Variants in TBC1D22A observed in about 807,000 individuals in gnomAD.
TBC1D22A encodes TBC1 domain family member 22A.
TBC1D22A carries 38 observed loss-of-function variants against 60.2 expected under a neutral mutation model. The ratio of observed to expected loss-of-function variants is 0.63; its 90% CI spans 0.49 to 0.83. The LOEUF (loss-of-function observed/expected upper bound fraction) is 0.83, where lower values mean the gene tolerates loss of function less well. Among genes scored for constraint, TBC1D22A ranks in the 40% least tolerant of loss-of-function variants. The probability of loss-of-function intolerance (pLI) is 0.00; values close to 1 mark genes in which losing one functional copy is unlikely to be tolerated. For synonymous variants in TBC1D22A, 302 were observed against 281.7 expected (o/e 1.07, Z -0.72); for missense variants, 628 against 701.0 (o/e 0.90, Z 1.18).
chr22:47,154,953 C>A (rs762915263), intron 12 of TBC1D22A, among the ~76,000 whole-genome samples: 1 of 152,198 alleles, frequency 6.6e-6, no homozygotes, highest in South Asian at 2.1e-4. Flanking sequence ...CCCTGCTGCC[C>A]GCTGGGCATT....
At chr22:47,136,992 A>T (rs2066899059) in intron 12 of TBC1D22A, among the ~76,000 whole-genome samples, 1 of 152,012 alleles carries the variant, frequency 6.6e-6, no homozygotes, top group Non-Finnish European at 1.5e-5. Context: ...GTGTGAGCAA[A>T]CCTGGTCCCG....
intron 11 of TBC1D22A, among the ~76,000 whole-genome samples, chr22:47,088,759 G>A (rs983854230): frequency 3.9e-5 from 6 of 152,192 alleles, no homozygotes; most frequent in African/African-American, 7.2e-5. Flanking sequence ...CTTGGTGATG[G>A]ATGGTTCTGC....
chr22:46,824,630 G>A (rs980252040), intron 4 of TBC1D22A, among the ~76,000 whole-genome samples: 3 of 152,188 alleles, frequency 2.0e-5, no homozygotes, highest in African/African-American at 7.2e-5. Context: ...AAAGATCCCT[G>A]TGGCTTTTCT....
At chr22:46,973,820 G>A (rs971933489) in intron 8 of TBC1D22A, among the ~76,000 whole-genome samples, 1 of 152,122 alleles carries the variant, frequency 6.6e-6, no homozygotes, top group African/African-American at 2.4e-5. Flanking sequence ...CGGCTTTCTG[G>A]GGTTTTGATC....
chr22:47,168,185 G>A (rs1364256232), intron 12 of TBC1D22A, among the ~76,000 whole-genome samples: 1 of 152,198 alleles, frequency 6.6e-6, no homozygotes, highest in Non-Finnish European at 1.5e-5. Flanking sequence ...ACACAGACCT[G>A]TTGAAGTAGT....
chr22:46,898,021 C>G (rs2068777971), intron 7 of TBC1D22A, among the ~76,000 whole-genome samples: 2 of 152,104 alleles, frequency 1.3e-5, no homozygotes, highest in Non-Finnish European at 1.5e-5. Flanking sequence ...TTTGATTGTC[C>G]TTTTTAGTAG....
chr22:47,158,147 G>A (rs1383553369), intron 12 of TBC1D22A, among the ~76,000 whole-genome samples: 3 of 152,196 alleles, frequency 2.0e-5, no homozygotes, highest in Non-Finnish European at 2.9e-5. Flanking sequence ...GCTCGTGTGG[G>A]TTCTGCACCC....
At chr22:46,956,485 T>G (rs1382436658) in intron 8 of TBC1D22A, among the ~76,000 whole-genome samples, 1 of 152,238 alleles carries the variant, frequency 6.6e-6, no homozygotes, top group Non-Finnish European at 1.5e-5. Flanking sequence ...ACAAGTATCA[T>G]GTAATAAAGC....
At chr22:46,886,311 C>T (rs1051490216) in intron 5 of TBC1D22A, among the ~76,000 whole-genome samples, 1 of 152,222 alleles carries the variant, frequency 6.6e-6, no homozygotes, top group Non-Finnish European at 1.5e-5. Context: ...TCCTCCATCA[C>T]GAGGACTCTG....
chr22:46,897,934 A>G (rs1159835803), intron 7 of TBC1D22A, among the ~76,000 whole-genome samples: 1 of 152,244 alleles, frequency 6.6e-6, no homozygotes, highest in African/African-American at 2.4e-5. Flanking sequence ...TTGTTAAAGC[A>G]AAAGTATTTA....
intron 9 of TBC1D22A, among the ~76,000 whole-genome samples, chr22:46,992,163 T>C (rs1200293666): frequency 2.0e-5 from 3 of 152,242 alleles, no homozygotes; most frequent in Admixed American, 6.5e-5. Flanking sequence ...CACTCGTGGC[T>C]GTGATTCTTC....
chr22:46,911,172 T>C (rs1315527598), intron 7 of TBC1D22A, among the ~76,000 whole-genome samples: 1 of 151,682 alleles, frequency 6.6e-6, no homozygotes, highest in East Asian at 1.9e-4. Context: ...AGCGAGTAGG[T>C]GGGAATAAGA....
intron 4 of TBC1D22A, among the ~76,000 whole-genome samples, chr22:46,827,528 A>G (rs544036548): frequency 2.5e-4 from 38 of 152,240 alleles, no homozygotes; most frequent in African/African-American, 7.5e-4. Context: ...CGTGTACCAA[A>G]TGGTATTTTA....
intron 2 of TBC1D22A, among the ~76,000 whole-genome samples, chr22:46,793,164 C>A (rs2084496808): frequency 6.6e-6 from 1 of 152,248 alleles, no homozygotes; most frequent in Non-Finnish European, 1.5e-5. Flanking sequence ...CCACACCCCT[C>A]ACTGCTGGGC....
chr22:46,852,292 C>T (rs545624135), intron 4 of TBC1D22A, among the ~76,000 whole-genome samples: 31 of 152,352 alleles, frequency 2.0e-4, no homozygotes, highest in African/African-American at 5.8e-4. Flanking sequence ...CCCGGCTTCC[C>T]GGCCCGCAGA....
chr22:47,030,286 A>T (rs2062424454), intron 10 of TBC1D22A, among the ~76,000 whole-genome samples: 4 of 152,206 alleles, frequency 2.6e-5, no homozygotes, highest in African/African-American at 4.8e-5. Flanking sequence ...GTGAGCCATT[A>T]TGCTGCTCTT....
chr22:46,900,220 C>T (rs545971894), intron 7 of TBC1D22A, among the ~76,000 whole-genome samples: 7 of 150,664 alleles, frequency 4.6e-5, no homozygotes, highest in South Asian at 2.1e-4. Context: ...GGTGCGATCT[C>T]GGCTCACTGC....
chr22:47,166,838 G>A (rs1432189985), intron 12 of TBC1D22A, among the ~76,000 whole-genome samples: 2 of 152,220 alleles, frequency 1.3e-5, no homozygotes, highest in South Asian at 2.1e-4. Flanking sequence ...GAGAGGCCGG[G>A]GTACAGGTGG....
chr22:46,797,612 C>T lies in TBC1D22A; in HGVS notation c.629C>T (p.Thr210Met). 6.2e-6 allele frequency: 10 copies of T among 1,606,906 alleles called. No homozygotes were observed. Among genetic ancestry groups the T allele is most frequent in the African/African-American group, 1.3e-5 (1 of 74,750 alleles). Residue 210 changes from threonine (T) to methionine (M), a missense_variant, in exon 4 of 13, where the codon ACG (threonine) becomes ATG (methionine). Transcript: ENST00000337137. ...AAGCAGCTGCTTGCCGGCCCCAACA[C>T]GGACCTTGGTAAGCACCCTGCCCTC... ...KFKQLLAGPNTDLEELRRLSW... is the reference protein window; with the variant it reads ...KFKQLLAGPNMDLEELRRLSW...
Sources: allele counts gnomAD v4.1 joint callset (sites outside exome capture counted in the v4.1 genomes callset), GRCh38; gene constraint gnomAD v4.1.1; transcripts MANE v1.5; gene names NCBI Gene and HGNC (gene_info 2026-07-23, HGNC 2026-07-21).